The following ITGB5 variants were observed in gnomAD, a reference collection of about 807,000 sequenced individuals.
ITGB5 encodes integrin beta-5.
Under a neutral mutation model 84.8 loss-of-function variants are expected in ITGB5, and 38 were observed. The ratio of observed to expected loss-of-function variants is 0.45; its 90% confidence interval spans 0.35 to 0.59. The LOEUF (loss-of-function observed/expected upper bound fraction) is 0.59, where lower values mean the gene tolerates loss of function less well. ITGB5 is among the 20% of genes least tolerant of loss of function. The pLI, the probability that ITGB5 is intolerant of heterozygous loss-of-function variation, is 0.01. For missense variants in ITGB5, 905 were observed against 1,034.5 expected (o/e 0.87, Z 1.72); for synonymous variants, 393 against 414.4 (o/e 0.95, Z 0.63).
intron 5 of ITGB5, among the ~76,000 whole-genome samples, chr3:124,835,212 G>T (rs1203251109): frequency 6.6e-6 from 1 of 152,168 alleles, no homozygotes; most frequent in African/African-American, 2.4e-5. Flanking sequence ...AGTTCCCACC[G>T]CTCAACCCAG....
At chr3:124,818,502 CTTTTTTTTTT>C (rs143582866) in intron 7 of ITGB5, among the ~76,000 whole-genome samples, 135 of 68,202 alleles carry the variant, frequency 2.0e-3, no homozygotes, top group African/African-American at 5.6e-3. Context: ...AGTGCATAGG[CTTTTTTTTTT>C]TTTTTTTTTT....
intron 2 of ITGB5, among the ~76,000 whole-genome samples, chr3:124,868,801 C>T (rs1471618431): frequency 1.3e-5 from 2 of 150,620 alleles, no homozygotes; most frequent in Non-Finnish European, 3.0e-5. Flanking sequence ...ACCCTGTCTC[C>T]GAAAATAAAT....
In ITGB5 at chr3:124,884,756, AC is replaced by A. The variant is rs1934727180; in HGVS notation, c.70+2174del. On this transcript the variant is annotated intron_variant, in intron 1 of 14. Coordinates refer to ENST00000296181, the MANE Select transcript of ITGB5 (RefSeq NM_002213.5). ...ACCCCAAAAGAGTTGCAAATGAACCACCATGCTCAGTGCTTTTCTCTTCCTT... is the reference window on the plus strand; with the variant it reads ...ACCCCAAAAGAGTTGCAAATGAACCACATGCTCAGTGCTTTTCTCTTCCTT... 9.2e-5 allele frequency among the ~76,000 whole-genome samples: 14 copies of A among 152,230 alleles called. No individual in the cohort carries two copies. The South Asian group carries it at 2.9e-3, about 32-fold the overall frequency.
At chr3:124,817,903 A>T (rs1468084214) in intron 7 of ITGB5, among the ~76,000 whole-genome samples, 193 bp from the exon 8 acceptor site, 3 of 152,122 alleles carry the variant, frequency 2.0e-5, no homozygotes, top group African/African-American at 7.2e-5. Flanking sequence ...TTGCTACAGT[A>T]CGCCGTGGAA....
chr3:124,865,968 AAT>A (rs1206971769), intron 2 of ITGB5, among the ~76,000 whole-genome samples: 2 of 151,932 alleles, frequency 1.3e-5, no homozygotes, highest in Non-Finnish European at 2.9e-5. Context: ...TACTTATTAT[AAT>A]ATGTTAACAC....
intron 5 of ITGB5, among the ~76,000 whole-genome samples, chr3:124,831,591 A>G (rs1257945802): frequency 6.6e-6 from 1 of 152,186 alleles, no homozygotes; most frequent in Non-Finnish European, 1.5e-5. Context: ...CTGCCTGAAC[A>G]TGGGCTGGCT....
At chr3:124,859,584 T>C (rs562360261) in intron 2 of ITGB5, 138 bp from the exon 3 acceptor site, 2 of 655,644 alleles carry the variant, frequency 3.1e-6, no homozygotes, top group East Asian at 5.5e-5. Flanking sequence ...ATGGAGGAAA[T>C]GGTAATCCCT....
intron 4 of ITGB5, among the ~76,000 whole-genome samples, chr3:124,845,720 CG>C (rs1440465650): frequency 2.0e-5 from 3 of 152,128 alleles, no homozygotes; most frequent in Non-Finnish European, 4.4e-5. Context: ...TCTAGTGTCT[CG>C]GTCAGTGGAA....
upstream of ITGB5, among the ~76,000 whole-genome samples, chr3:124,890,102 AG>A (rs1934964125): frequency 6.6e-6 from 1 of 152,038 alleles, no homozygotes; most frequent in Admixed American, 6.6e-5. Context: ...TTTGTCTGTC[AG>A]GGGAGTGTAG....
At chr3:124,859,954 T>C (rs1431616189) in intron 2 of ITGB5, among the ~76,000 whole-genome samples, 2 of 152,054 alleles carry the variant, frequency 1.3e-5, no homozygotes, top group Non-Finnish European at 2.9e-5. Context: ...TAATATATAG[T>C]TAAATAAATA....
At chr3:124,784,341 C>T (rs140459000) in intron 10 of ITGB5, among the ~76,000 whole-genome samples, 13 of 151,718 alleles carry the variant, frequency 8.6e-5, no homozygotes, top group East Asian at 1.9e-4. Context: ...CCCATCTCTA[C>T]GAAAAAATTA....
chr3:124,900,768 T>G (rs1935199588), intron 1 of ITGB5, among the ~76,000 whole-genome samples: 1 of 152,210 alleles, frequency 6.6e-6, no homozygotes, highest in Non-Finnish European at 1.5e-5. Context: ...GCATTTTGTT[T>G]TTTATTTAAC....
chr3:124,795,587 G>A (rs965292404), intron 10 of ITGB5, among the ~76,000 whole-genome samples: 2 of 152,202 alleles, frequency 1.3e-5, no homozygotes, highest in African/African-American at 4.8e-5. Context: ...GCCTTACGTG[G>A]TGAAAGGGAC....
chr3:124,799,338 C>G (rs569885798), intron 9 of ITGB5, among the ~76,000 whole-genome samples: 1 of 152,274 alleles, frequency 6.6e-6, no homozygotes, highest in South Asian at 2.1e-4. Flanking sequence ...CTGGGAGGAT[C>G]ACTTGAGGCC....
Position 124,841,402 on chromosome 3 carries a change from A to G in ITGB5, c.761T>C (p.Leu254Pro), listed in dbSNP as rs2065008485. The G allele has an allele frequency of 6.2e-7, 1 of 1,614,148 alleles. No homozygotes were observed. Among genetic ancestry groups the G allele is most frequent in the Non-Finnish European group, 8.5e-7 (1 of 1,180,016 alleles). Residue 254 changes from leucine to proline, a missense_variant, in exon 5 of 15, where the codon CTC (leucine) becomes CCC (proline). Around this residue, in one of 3 missense-constraint regions of ITGB5, gnomAD observed 656 missense variants for 734.7 expected, o/e 0.89. Transcript: ENST00000296181. ...DAPEGGFDAV[L>P]QAAVCKEKIG... The stretch of plus-strand genomic sequence containing the variant: ...AGTTACCTTGCAGACGGCTGCCTGG[A>G]GTACTGCATCAAAGCCCCCCTCAGG...
At chr3:124,884,099 C>A (rs1934696286) in intron 1 of ITGB5, among the ~76,000 whole-genome samples, 1 of 151,866 alleles carries the variant, frequency 6.6e-6, no homozygotes, top group South Asian at 2.1e-4. Context: ...TCTTTCTTTT[C>A]TCTGAGTAAC....
chr3:124,791,364 A>G (rs3821538), intron 10 of ITGB5: 36,663 of 152,154 alleles, frequency 0.24, 5,089 homozygotes, highest in African/African-American at 0.36. Flanking sequence ...AATGTGTCAC[A>G]AAAGTAATAA....
At chr3:124,878,355 T>C (rs1423290768) in intron 1 of ITGB5, among the ~76,000 whole-genome samples, 1 of 152,230 alleles carries the variant, frequency 6.6e-6, no homozygotes, top group Non-Finnish European at 1.5e-5. Context: ...TCAAAGGATG[T>C]GATAGTCACC....
intron 6 of ITGB5, 125 bp downstream of exon 6, chr3:124,821,188 A>G: frequency 9.5e-7 from 1 of 1,047,182 alleles, no homozygotes; most frequent in Non-Finnish European, 1.4e-6. Flanking sequence ...AACCCCAAGA[A>G]GGGATCAGAA....
Sources: gnomAD v4.1 joint callset for allele counts (sites outside exome capture counted in the v4.1 genomes callset) on GRCh38, gnomAD v4.1.1 for gene constraint, gnomAD v4.1.1 regional missense constraint, MANE v1.5 for transcripts, NCBI Gene and HGNC (gene_info 2026-07-23, HGNC 2026-07-21) for gene names.